Variants in CFAP46 observed in about 807,000 individuals in gnomAD.
CFAP46 encodes the protein cilia and flagella associated protein 46.
CFAP46 carries 245 observed loss-of-function variants against 325.7 expected under a neutral mutation model. The observed-to-expected ratio is 0.75, with a 90% confidence interval of 0.68 to 0.84. The LOEUF (loss-of-function observed/expected upper bound fraction) is 0.84, where lower values mean the gene tolerates loss of function less well. Among genes scored for constraint, CFAP46 ranks in the 40% least tolerant of loss-of-function variants. CFAP46 has a pLI of 0.00. For missense variants in CFAP46, 3,346 were observed against 3,543.0 expected (o/e 0.94, Z 1.41); for synonymous variants, 1,523 against 1,495.9 (o/e 1.02, Z -0.42).
chr10:132,820,758 ATG>A (rs1223368939), intron 50 of CFAP46, among the ~76,000 whole-genome samples: 1 of 73,922 alleles, frequency 1.4e-5, no homozygotes, highest in Non-Finnish European at 2.7e-5. Flanking sequence ...GTGTGTGCTG[ATG>A]TGTGCTGTGT....
Position 132,808,600 on chromosome 10 carries a change from G to C in CFAP46, c.7969C>G (p.Arg2657Gly), listed in dbSNP as rs148457914. ...SARDPPPATS[R>G]KAAAWTSSSA... ...CTCGAGGTCCAGGCGGCTGCCTTGCGGGAAGTCGCTGGGGGAGGGTCCCTG... is the reference window on the plus strand; with the variant it reads ...CTCGAGGTCCAGGCGGCTGCCTTGCCGGAAGTCGCTGGGGGAGGGTCCCTG... The change falls in exon 58 of 58, where the codon CGC becomes GGC. Residue 2657 changes from arginine (R) to glycine (G), a missense_variant. Physicochemically the swap from Arg to Gly is moderately radical, Grantham distance 125. Coordinates refer to ENST00000368586, the MANE Select transcript of CFAP46 (RefSeq NM_001200049.3). The surrounding 1 kb of genome is among the most constrained non-coding windows in gnomAD (Gnocchi z 6.8). The C allele has an allele frequency of 6.2e-7, 1 of 1,612,318 alleles. No individual in the cohort carries two copies. Among genetic ancestry groups the C allele is most frequent in the Non-Finnish European group, 8.5e-7 (1 of 1,179,672 alleles).
In CFAP46 at chr10:132,847,660, G is replaced by A. The variant is rs1467587288; in HGVS notation, c.5953-339C>T. On this transcript the variant is annotated intron_variant, in intron 41 of 57. Coordinates refer to ENST00000368586, the MANE Select transcript of CFAP46 (RefSeq NM_001200049.3). This position sits in a 1 kb window ranked among gnomAD's most constrained non-coding sequence, Gnocchi z 5.2. ...AGGGGGCTCTCGTTCCTGTCCTTTG[G>A]AAACACCTCTCCCGGAACCAGCCAG... is the stretch of plus-strand genomic sequence containing the variant. 6.6e-6 allele frequency among the ~76,000 whole-genome samples: 1 copy of A among 151,992 alleles called. No individual in the cohort carries two copies. Among genetic ancestry groups the A allele is most frequent in the Non-Finnish European group, 1.5e-5 (1 of 67,976 alleles).
rs574006304 is a variant in CFAP46, at chr10:132,840,228, C to A, written c.6439-3314G>T. On this transcript the variant is annotated intron_variant, in intron 44 of 57. Coordinates refer to ENST00000368586, the MANE Select transcript of CFAP46 (RefSeq NM_001200049.3). ...GTTGAGGAGTTGGTCCATTTGAGTC[C>A]GGTGTTGCCTGTATTGGAGTAAGGC... Among the ~76,000 whole-genome samples, 69 of 152,252 alleles carry A rather than the reference C, an allele frequency of 4.5e-4. 1 individual carries two copies. Among genetic ancestry groups the A allele is most frequent in the African/African-American group, 1.5e-3 (62 of 41,512 alleles).
chr10:132,879,189 G>A (rs1451467263), intron 29 of CFAP46, among the ~76,000 whole-genome samples: 1 of 152,214 alleles, frequency 6.6e-6, no homozygotes, highest in Non-Finnish European at 1.5e-5. Flanking sequence ...TGTGGAGGGT[G>A]CAGGAATGAA....
intron 16 of CFAP46, among the ~76,000 whole-genome samples, chr10:132,916,958 C>T (rs970962641): frequency 6.6e-6 from 1 of 152,230 alleles, no homozygotes. Flanking sequence ...CCCGAAGGAC[C>T]AACAGTGGCT....
Position 132,900,325 on chromosome 10 carries a change from C to T in CFAP46, c.2925-659G>A, listed in dbSNP as rs183743441. 1.7e-3 allele frequency among the ~76,000 whole-genome samples: 264 copies of T among 152,366 alleles called. 2 individuals are homozygous for T. In the Middle Eastern group the frequency reaches 0.034, roughly 20 times the overall value. On this transcript the variant is annotated intron_variant, in intron 22 of 57. Coordinates refer to ENST00000368586, the MANE Select transcript of CFAP46 (RefSeq NM_001200049.3). Reference sequence around the variant, plus strand: ...CTGGGTGTCAACAGCAGCATCAGCTCCACGGCTCCTCATCCCTGGACGTTC... The same window carrying T: ...CTGGGTGTCAACAGCAGCATCAGCTTCACGGCTCCTCATCCCTGGACGTTC...
rs939413435 is a variant in CFAP46, at chr10:132,926,555, C to T, written c.1065+13G>A. ...AATAATGCCAGGTGTATGACTCCTG[C>T]GTAAGGACTGACCTCAACAGCCGCT... On this transcript the variant is annotated intron_variant, in intron 10 of 57. Coordinates refer to ENST00000368586, the MANE Select transcript of CFAP46 (RefSeq NM_001200049.3). The T allele has an allele frequency of 1.5e-5, 23 of 1,525,806 alleles. No individual in the cohort carries two copies. The highest frequency in any genetic ancestry group is 2.7e-5 in the African/African-American group (2 of 72,818). 94.5% of individuals were successfully genotyped at this position (1,525,806 alleles called of 1,614,324 possible).
chr10:132,924,783 G>C lies in CFAP46; in HGVS notation c.1169C>G (p.Thr390Ser). 3.3e-6 allele frequency: 5 copies of C among 1,527,722 alleles called. No individual in the cohort carries two copies. The highest frequency in any genetic ancestry group is 2.6e-6 in the Non-Finnish European group (3 of 1,137,330). The allele number at this position is 1,527,722 out of a possible 1,614,324, so 94.6% of individuals were successfully genotyped here. ...GTTGTGCTGCAGCAGGGGCAGGCAG[G>C]TGTTCCACTGCGTGGCGCACACCAC... ...IHVVCATQWN[T>S]CLPLLQHNLR... The change falls in exon 11 of 58, where the codon ACC (threonine) becomes AGC (serine). Residue 390 changes from threonine to serine, a missense_variant. Coordinates refer to ENST00000368586, the MANE Select transcript of CFAP46 (RefSeq NM_001200049.3).
intron 24 of CFAP46, 144 bp downstream of exon 24, chr10:132,898,814 AC>A: frequency 8.7e-7 from 1 of 1,152,038 alleles, no homozygotes; most frequent in South Asian, 1.3e-5. Context: ...ACCCCCCTTA[AC>A]CCCCTCCCCT....
At chr10:132,924,060 C>T (rs1849769259) in intron 11 of CFAP46, among the ~76,000 whole-genome samples, 1 of 152,086 alleles carries the variant, frequency 6.6e-6, no homozygotes. Context: ...GAGGCTGAGC[C>T]CTCCCAACAA....
intron 39 of CFAP46, among the ~76,000 whole-genome samples, chr10:132,852,252 C>T (rs1848565864): frequency 1.3e-5 from 2 of 151,478 alleles, no homozygotes; most frequent in South Asian, 2.1e-4. Context: ...AATCCACAGA[C>T]GTGGTATGTT....
rs1404870590 is a variant in CFAP46 at position 132,930,343 on chromosome 10, CACAGAGCCTGGGCCTTCCTCCTCCCCAT to C, written c.867-567_867-540del. Reference sequence around the variant, plus strand: ...AGCATGGGACTCCCCACACTCCCCACACAGAGCCTGGGCCTTCCTCCTCCCCATACAGAGCCTGGGCCTTCCCTACACT... The same window carrying C: ...AGCATGGGACTCCCCACACTCCCCACACAGAGCCTGGGCCTTCCCTACACT... On this transcript the variant is annotated intron_variant, in intron 8 of 57. Transcript: ENST00000368586. 4.4e-3 allele frequency among the ~76,000 whole-genome samples: 656 copies of C among 149,042 alleles called. 5 individuals are homozygous for C. Among genetic ancestry groups the C allele is most frequent in the African/African-American group, 0.015 (614 of 39,724 alleles).
At chr10:132,901,541 G>T (rs1031735609) in intron 22 of CFAP46, among the ~76,000 whole-genome samples, 32 of 152,164 alleles carry the variant, frequency 2.1e-4, no homozygotes, top group African/African-American at 7.2e-4. Context: ...GTGGCACGAG[G>T]GCCCTCGGAA....
chr10:132,903,378 G>A (rs760077276), intron 22 of CFAP46, among the ~76,000 whole-genome samples: 3 of 152,174 alleles, frequency 2.0e-5, no homozygotes, highest in East Asian at 1.9e-4. Context: ...CACCTGCCGC[G>A]TCACATCCTG....
chr10:132,900,654 T>C (rs1317989098), intron 22 of CFAP46, among the ~76,000 whole-genome samples: 1 of 152,228 alleles, frequency 6.6e-6, no homozygotes, highest in Non-Finnish European at 1.5e-5. Flanking sequence ...GGTCTGAAGC[T>C]GAAACCACCT....
Position 132,929,808 on chromosome 10 carries a change from C to T in CFAP46, c.867-4G>A. ...CAATTCAAAAAGCAAAAGCATTCTG[C>T]AAACAAACAAACCAGCCAGCACCGG... On this transcript the variant is annotated splice_polypyrimidine_tract_variant and splice_region_variant and intron_variant, in intron 8 of 57. Coordinates refer to ENST00000368586, the MANE Select transcript of CFAP46 (RefSeq NM_001200049.3). 1.2e-6 allele frequency: 2 copies of T among 1,604,038 alleles called. No individual in the cohort carries two copies. The highest frequency in any genetic ancestry group is 8.5e-7 in the Non-Finnish European group (1 of 1,173,278).
Position 132,872,973 on chromosome 10 carries a change from T to C in CFAP46, c.4363-149A>G, listed in dbSNP as rs545538865. ...TCAGCGCGTGTCCGCACACAGCAGG[T>C]GCTCAGTGCGTTTCTGTGGGATGGA... On this transcript the variant is annotated intron_variant, in intron 31 of 57. Coordinates refer to ENST00000368586, the MANE Select transcript of CFAP46 (RefSeq NM_001200049.3). 20 of 829,364 alleles carry C rather than the reference T, an allele frequency of 2.4e-5. No individual in the cohort carries two copies. The South Asian group carries it at 3.5e-4, about 15-fold the overall frequency. The allele number at this position is 829,364 out of a possible 1,614,324, so 51.4% of individuals were successfully genotyped here.
rs567316998 is a variant in CFAP46 at position 132,880,892 on chromosome 10, G to A, written c.3768C>T (p.Gly1256=). 5.4e-5 allele frequency: 84 copies of A among 1,549,600 alleles called. No homozygotes were observed. The highest frequency in any genetic ancestry group is 2.3e-4 in the South Asian group (19 of 84,052). Residue 1256 remains glycine, a synonymous_variant, in exon 28 of 58, where the codon GGC becomes GGT. Transcript: ENST00000368586. ...VEILLAMKPP[G]DVPEPQPTPD... ...GCGTGGGCTGTGGCTCAGGGACATC[G>A]CCGGGCGGCTTCATGGCCAGCAGGA...
rs1848863670 is a variant in CFAP46, at chr10:132,869,328, G to A, written c.4556C>T (p.Ala1519Val). Reference sequence around the variant, plus strand: ...CTGCCCGACCGCCTCTTCATGGCGCGCGGCTGCTTCTCTCAGCTTCAGCTC... The same window carrying A: ...CTGCCCGACCGCCTCTTCATGGCGCACGGCTGCTTCTCTCAGCTTCAGCTC... ...CSELKLREAA[A>V]RHEEAVGQVC... The change falls in exon 33 of 58, where the codon GCG becomes GTG. Residue 1519 changes from alanine (A) to valine (V), a missense_variant. Ala to Val is a moderately conservative substitution (Grantham distance 64). Transcript: ENST00000368586. The surrounding 1 kb of genome is among the most constrained non-coding windows in gnomAD (Gnocchi z 6.2). The A allele has an allele frequency of 7.1e-6, 11 of 1,539,028 alleles. No individual in the cohort carries two copies. The highest frequency in any genetic ancestry group is 1.2e-5 in the South Asian group (1 of 83,464).
Sources: allele counts gnomAD v4.1 joint callset (sites outside exome capture counted in the v4.1 genomes callset), GRCh38; gene constraint gnomAD v4.1.1; non-coding constraint Gnocchi (gnomAD v3.1); transcripts MANE v1.5; gene names NCBI Gene and HGNC (gene_info 2026-07-23, HGNC 2026-07-21).